ABHD15: variants seen among roughly 807,000 people sequenced by gnomAD.
ABHD15 encodes protein ABHD15.
A neutral mutation model predicts 34.4 loss-of-function variants in ABHD15; 34 were observed. The ratio of observed to expected loss-of-function variants is 0.99; its 90% CI spans 0.75 to 1.32. The LOEUF is 1.32. Among genes scored for constraint, ABHD15 ranks in the 40% most tolerant of loss-of-function variants. The pLI is 0.00. For synonymous variants in ABHD15, 314 were observed against 299.2 expected (o/e 1.05, Z -0.51); for missense variants, 644 against 650.4 (o/e 0.99, Z 0.11).
Position 29,562,430 on chromosome 17 carries a change from AAG to A in ABHD15, c.*129_*130del. ...TCCTTCTCTTTCAAGGCACCAATTT[AAG>A]AGAGAGGGACTGAATGAGGAGCACA... On this transcript the variant is annotated 3_prime_UTR_variant, in exon 2 of 2. Coordinates refer to ENST00000307201, the MANE Select transcript of ABHD15 (RefSeq NM_198147.3). 9.5e-7 allele frequency: 1 copy of A among 1,057,592 alleles called. No individual in the cohort carries two copies. The highest frequency in any genetic ancestry group is 1.4e-6 in the Non-Finnish European group (1 of 736,166). 65.5% of individuals were successfully genotyped at this position (1,057,592 alleles called of 1,614,324 possible).
rs1419144013 is a variant in ABHD15, at chr17:29,566,970, G to T, written c.-4C>A. On this transcript the variant is annotated 5_prime_UTR_variant, in exon 1 of 2. Transcript: ENST00000307201. ...GGGCGGCGCCCCACGGCGGCATGGC[G>T]AAGCTGGAGAGCCCCGGCGGGCAGC... 3.0e-6 allele frequency: 4 copies of T among 1,352,680 alleles called. No individual in the cohort carries two copies. The African/African-American group carries it at 4.6e-5, about 16-fold the overall frequency. The allele number at this position is 1,352,680 out of a possible 1,614,324, so 83.8% of individuals were successfully genotyped here.
At position 29,566,621 on chromosome 17, in the gene ABHD15, C is replaced by CA. The variant is rs2032718918; in HGVS notation, c.345_346insT (p.Val116CysfsTer6). The CA allele has an allele frequency of 6.2e-7, 1 of 1,608,064 alleles. No homozygotes were observed. The highest frequency in any genetic ancestry group is 8.5e-7 in the Non-Finnish European group (1 of 1,179,606). ...CGGGCCAGCTCAGGCCCAGGCGCTA[C>CA]GGGCAGGACGAAGTGGCAGAGGGTC... is the stretch of plus-strand genomic sequence containing the variant. On this transcript the variant is annotated frameshift_variant, in exon 1 of 2. Coordinates refer to ENST00000307201, the MANE Select transcript of ABHD15 (RefSeq NM_198147.3). LOFTEE classifies it high-confidence loss of function.
intron 1 of ABHD15, among the ~76,000 whole-genome samples, chr17:29,564,332 C>A (rs180715883): frequency 8.5e-5 from 13 of 152,324 alleles, no homozygotes; most frequent in Admixed American, 7.2e-4. Context: ...ATACCTGGGG[C>A]AGATATTCCT....
At chr17:29,564,937 G>A (rs766104933) in intron 1 of ABHD15, among the ~76,000 whole-genome samples, 10 of 152,058 alleles carry the variant, frequency 6.6e-5, no homozygotes, top group Non-Finnish European at 1.2e-4. Flanking sequence ...CAGCCTGGGC[G>A]ACAGAGTAAG....
At position 29,562,932 on chromosome 17, in the gene ABHD15, C is replaced by G; in HGVS notation, c.1036G>C (p.Asp346His). 1.9e-6 allele frequency: 3 copies of G among 1,614,098 alleles called. No homozygotes were observed. The highest frequency in any genetic ancestry group is 2.5e-6 in the Non-Finnish European group (3 of 1,180,048). Reference protein sequence around the residue: ...WDRNDPLRDVDEAAVPVLCIC... With the variant: ...WDRNDPLRDVHEAAVPVLCIC... ...CACAGCACAGGCACGGCTGCCTCAT[C>G]GACATCCCGGAGCGGGTCGTTGCGG... The change falls in exon 2 of 2, where the codon GAT (aspartate) becomes CAT (histidine). Residue 346 changes from aspartate (D) to histidine (H), a missense_variant. By Grantham distance (81) the Asp-to-His change is moderately conservative. Transcript: ENST00000307201.
chr17:29,564,710 C>T (rs546936808), intron 1 of ABHD15, among the ~76,000 whole-genome samples: 3 of 152,072 alleles, frequency 2.0e-5, no homozygotes, highest in Non-Finnish European at 2.9e-5. Flanking sequence ...AAAAATTAAC[C>T]GGGCATGGTG....
chr17:29,566,268 C>A lies in ABHD15; in HGVS notation c.699G>T (p.Ala233=). The change falls in exon 1 of 2, where the codon GCG becomes GCT. Residue 233 remains alanine, a synonymous_variant. Transcript: ENST00000307201. The part of the protein sequence containing the change: ...RFRHPAAPLF[A]VSEGSGSALL... Reference sequence around the variant, plus strand: ...GCGCCGAGCCCGAGCCTTCGCTCACCGCGAACAGCGGCGCCGCCGGGTGTC... The same window carrying A: ...GCGCCGAGCCCGAGCCTTCGCTCACAGCGAACAGCGGCGCCGCCGGGTGTC... 1 of 1,610,854 alleles carries A rather than the reference C, an allele frequency of 6.2e-7. No homozygotes were observed. Among genetic ancestry groups the A allele is most frequent in the South Asian group, 1.1e-5 (1 of 90,950 alleles).
At position 29,561,480 on chromosome 17, in the gene ABHD15, C is replaced by A. The variant is rs1045156745; in HGVS notation, c.*1081G>T. The A allele has an allele frequency of 1.9e-4, 29 of 152,132 alleles. No individual in the cohort carries two copies. Among genetic ancestry groups the A allele is most frequent in the Non-Finnish European group, 2.2e-4 (15 of 68,030 alleles). The allele number at this position is 152,132 out of a possible 1,614,324, so 9.4% of individuals were successfully genotyped here. A position where few individuals can be genotyped will look rare whatever the true frequency, so the allele number is the denominator to read the frequency against. ...AGCTTTTCTGCCTTTACAGGGATGGCCTTTTGAATAATTGAGCAGACGAAG... is the reference window on the plus strand; with the variant it reads ...AGCTTTTCTGCCTTTACAGGGATGGACTTTTGAATAATTGAGCAGACGAAG... On this transcript the variant is annotated 3_prime_UTR_variant, in exon 2 of 2. Transcript: ENST00000307201.
chr17:29,562,956 G>A lies in ABHD15; in HGVS notation c.1012C>T (p.Arg338Cys), dbSNP rs370276970. 2.9e-5 allele frequency: 47 copies of A among 1,613,942 alleles called. No homozygotes were observed. The highest frequency in any genetic ancestry group is 1.7e-4 in the African/African-American group (13 of 74,926). Reference protein sequence around the residue: ...FPISWDTYWDRNDPLRDVDEA... With the variant: ...FPISWDTYWDCNDPLRDVDEA... ...TCGACATCCCGGAGCGGGTCGTTGC[G>A]GTCCCAGTAGGTATCCCAGCTGATG... Residue 338 changes from arginine to cysteine, a missense_variant, in exon 2 of 2, where the codon CGC (arginine) becomes TGC (cysteine). Transcript: ENST00000307201.
rs957259306 is a variant in ABHD15, at chr17:29,566,693, C to T, written c.274G>A (p.Ala92Thr). ...CAGGAGCGCGGGCCGGCCTCCAGCG[C>T]CTCTGAGCGCCGCAGGGCGCGCAGC... ...CLLRALRRSE[A>T]LEAGPRSWFS... The change falls in exon 1 of 2, where the codon GCG becomes ACG. Residue 92 changes from alanine (A) to threonine (T), a missense_variant. Physicochemically the swap from Ala to Thr is moderately conservative, Grantham distance 58. Transcript: ENST00000307201. 1 of 1,588,382 alleles carries T rather than the reference C, an allele frequency of 6.3e-7. No individual in the cohort carries two copies. The highest frequency in any genetic ancestry group is 1.3e-5 in the African/African-American group (1 of 74,770).
rs1166766360 is a variant in ABHD15, at chr17:29,566,189, C to A, written c.778G>T (p.Ala260Ser). 1.2e-6 allele frequency: 2 copies of A among 1,609,680 alleles called. No homozygotes were observed. The highest frequency in any genetic ancestry group is 1.1e-5 in the South Asian group (1 of 90,888). ...CAGCGCAGCACGGGCGAGATGCAGG[C>A]GGCGCCTGTCACGTAGCTGGAGGAG... ...CGSSSYVTGA[A>S]CISPVLRCRE... Residue 260 changes from alanine to serine, a missense_variant, in exon 1 of 2, where the codon GCC (alanine) becomes TCC (serine). Coordinates refer to ENST00000307201, the MANE Select transcript of ABHD15 (RefSeq NM_198147.3).
In ABHD15 at chr17:29,561,074, A is replaced by G. The variant is rs1427009015; in HGVS notation, c.*1487T>C. 1 of 152,214 alleles carries G rather than the reference A, an allele frequency of 6.6e-6. No individual in the cohort carries two copies. The highest frequency in any genetic ancestry group is 2.4e-5 in the African/African-American group (1 of 41,442). The allele number at this position is 152,214 out of a possible 1,614,324, so 9.4% of individuals were successfully genotyped here. A position where few individuals can be genotyped will look rare whatever the true frequency, so the allele number is the denominator to read the frequency against. ...TCTTCTGATTTGATCTAGAAGAACA[A>G]GATCTAGAATCTGGGGCAAGATTAT... is the stretch of plus-strand genomic sequence containing the variant. On this transcript the variant is annotated 3_prime_UTR_variant, in exon 2 of 2. Transcript: ENST00000307201.
At chr17:29,565,169 GA>G (rs1288636647) in intron 1 of ABHD15, among the ~76,000 whole-genome samples, 1 of 151,962 alleles carries the variant, frequency 6.6e-6, no homozygotes, top group African/African-American at 2.4e-5. Flanking sequence ...TAAGGCAGGA[GA>G]ATAGCTTGCA....
intron 1 of ABHD15, among the ~76,000 whole-genome samples, chr17:29,565,683 A>C (rs1437546195): frequency 6.6e-6 from 1 of 152,228 alleles, no homozygotes; most frequent in East Asian, 1.9e-4. Flanking sequence ...AGAGACTGTG[A>C]GTAAACATTC....
chr17:29,563,729 G>A (rs762629377), intron 1 of ABHD15, among the ~76,000 whole-genome samples: 61 of 151,844 alleles, frequency 4.0e-4, no homozygotes, highest in Admixed American at 4.6e-4. Context: ...GCGTGGTGGC[G>A]GACACCTGTA....
chr17:29,566,331 C>A lies in ABHD15; in HGVS notation c.636G>T (p.Pro212=), dbSNP rs778032525. ...VSPRLQPFGD[P]SDLKEAVTYI... is the part of the protein sequence containing the mutation. Reference sequence around the variant, plus strand: ...ATGTGACCGCCTCCTTGAGGTCGGACGGGTCCCCGAAAGGCTGCAGCCGGG... The same window carrying A: ...ATGTGACCGCCTCCTTGAGGTCGGAAGGGTCCCCGAAAGGCTGCAGCCGGG... Residue 212 remains proline (P), a synonymous_variant, in exon 1 of 2, where the codon CCG becomes CCT. Transcript: ENST00000307201. 24 of 1,611,294 alleles carry A rather than the reference C, an allele frequency of 1.5e-5. No homozygotes were observed. Among genetic ancestry groups the A allele is most frequent in the Non-Finnish European group, 2.0e-5 (23 of 1,178,912 alleles).
At position 29,562,728 on chromosome 17, in the gene ABHD15, C is replaced by G; in HGVS notation, c.1240G>C (p.Ala414Pro). The G allele has an allele frequency of 6.2e-7, 1 of 1,614,160 alleles. No homozygotes were observed. Residue 414 changes from alanine to proline, a missense_variant, in exon 2 of 2, where the codon GCC (alanine) becomes CCC (proline). By Grantham distance (27) the Ala-to-Pro change is conservative (BLOSUM62 -1). Transcript: ENST00000307201. ...TCCGTTCGGAAGAACTCAGTCAAGG[C>G]CCGGAAGGACTCCAAGATGACCTCA... is the stretch of plus-strand genomic sequence containing the variant. ...SHEVILESFR[A>P]LTEFFRTEER...
At position 29,566,106 on chromosome 17, in the gene ABHD15, G is replaced by A. The variant is rs769060665; in HGVS notation, c.861C>T (p.His287=). Residue 287 remains histidine, a synonymous_variant, in exon 1 of 2, where the codon CAC becomes CAT. Coordinates refer to ENST00000307201, the MANE Select transcript of ABHD15 (RefSeq NM_198147.3). The part of the protein sequence containing the change: ...PWPYERGFLL[H]QKIALSRYAT... The stretch of plus-strand genomic sequence containing the variant: ...CCCACCTGCTGAGGGCGATCTTCTG[G>A]TGGAGCAGAAAGCCCCGCTCGTAGG... The A allele has an allele frequency of 3.9e-6, 6 of 1,544,894 alleles. No individual in the cohort carries two copies. In the African/African-American group the frequency reaches 6.9e-5, roughly 18 times the overall value.
At position 29,566,223 on chromosome 17, in the gene ABHD15, G is replaced by T. The variant is rs1238943904; in HGVS notation, c.744C>A (p.Gly248=). 4 of 1,610,770 alleles carry T rather than the reference G, an allele frequency of 2.5e-6. No individual in the cohort carries two copies. Among genetic ancestry groups the T allele is most frequent in the Non-Finnish European group, 3.4e-6 (4 of 1,178,876 alleles). ...SGSALLLSYL[G]ECGSSSYVTG... ...TCACGTAGCTGGAGGAGCCGCACTC[G>T]CCCAGGTAGGACAGGAGCAGCGCCG... The change falls in exon 1 of 2, where the codon GGC becomes GGA. Residue 248 remains glycine (G), a synonymous_variant. Transcript: ENST00000307201.
Sources: allele counts gnomAD v4.1 joint callset (sites outside exome capture counted in the v4.1 genomes callset), GRCh38; gene constraint gnomAD v4.1.1; transcripts MANE v1.5; gene names NCBI Gene and HGNC (gene_info 2026-07-23, HGNC 2026-07-21).